The following EVL variants were observed in gnomAD, a reference collection of about 807,000 sequenced individuals.
EVL encodes ena/VASP-like protein.
Under a neutral mutation model 59.6 loss-of-function variants are expected in EVL, and 21 were observed. That is an observed-to-expected ratio of 0.35 (90% CI 0.25 to 0.51). The LOEUF (loss-of-function observed/expected upper bound fraction) is 0.51, where lower values mean the gene tolerates loss of function less well. Among genes scored for constraint, EVL ranks in the 20% least tolerant of loss-of-function variants. The pLI is 0.97. For synonymous variants in EVL, 198 were observed against 203.5 expected (o/e 0.97, Z 0.23); for missense variants, 462 against 546.6 (o/e 0.85, Z 1.54).
chr14:100,032,163 T>A (rs1566976528), intron 1 of EVL, among the ~76,000 whole-genome samples: 1 of 152,210 alleles, frequency 6.6e-6, no homozygotes, highest in Non-Finnish European at 1.5e-5. Context: ...GTGCACTCAG[T>A]GATGAAATTC....
At position 100,050,920 on chromosome 14, in the gene EVL, A is replaced by G. The variant is rs111642513; in HGVS notation, c.6-33767A>G. The stretch of plus-strand genomic sequence containing the variant: ...AGCACGCCCAGCTAATTAAAAAAAA[A>G]AAAAAATTAAGAGATGGGGGTCTTA... On this transcript the variant is annotated intron_variant, in intron 1 of 13. Transcript: ENST00000402714. Among the ~76,000 whole-genome samples, 11 of 151,028 alleles carry G rather than the reference A, an allele frequency of 7.3e-5. 1 individual carries two copies. The highest frequency in any genetic ancestry group is 2.7e-4 in the African/African-American group (11 of 41,208).
At chr14:100,079,679 T>C (rs942700479) in intron 1 of EVL, among the ~76,000 whole-genome samples, 1 of 152,152 alleles carries the variant, frequency 6.6e-6, no homozygotes, top group African/African-American at 2.4e-5. Flanking sequence ...TCCCTTACTT[T>C]ATGAATTTAC....
intron 1 of EVL, among the ~76,000 whole-genome samples, chr14:100,016,741 G>A (rs1394613085): frequency 1.3e-5 from 2 of 152,194 alleles, no homozygotes; most frequent in Admixed American, 6.5e-5. Context: ...GTAATCAAGT[G>A]GTCGAGGATT....
intron 11 of EVL, chr14:100,138,946 A>C (rs1404154486): frequency 6.6e-6 from 1 of 152,620 alleles, no homozygotes; most frequent in East Asian, 1.9e-4. Context: ...GCTCCCCCGC[A>C]CCTCCACCTG....
intron 1 of EVL, among the ~76,000 whole-genome samples, chr14:99,983,930 G>A (rs2060824329): frequency 6.6e-6 from 1 of 151,966 alleles, no homozygotes. Context: ...AAATTTCCCT[G>A]ATCTACTGAA....
intron 1 of EVL, among the ~76,000 whole-genome samples, chr14:100,028,896 A>G (rs1310280599): frequency 6.6e-6 from 1 of 152,158 alleles, no homozygotes; most frequent in East Asian, 1.9e-4. Flanking sequence ...CTAGAGTCCC[A>G]ATATCTGGCT....
In EVL at chr14:100,109,535, C is replaced by G. The variant is rs1886812031; in HGVS notation, c.358+11877C>G. On this transcript the variant is annotated intron_variant, in intron 3 of 13. Coordinates refer to ENST00000392920, the MANE Select transcript of EVL (RefSeq NM_016337.3). The surrounding 1 kb of genome is among the most constrained non-coding windows in gnomAD (Gnocchi z 4.3). ...GAGGTGTCTGGTGACTGAACAAGCT[C>G]CCAGCTTGCGCCCATGTCATATTGT... is the stretch of plus-strand genomic sequence containing the variant. 1 of 469,974 alleles carries G rather than the reference C, an allele frequency of 2.1e-6. No homozygotes were observed. Among genetic ancestry groups the G allele is most frequent in the African/African-American group, 2.0e-5 (1 of 50,106 alleles). The allele number at this position is 469,974 out of a possible 1,614,324, so 29.1% of individuals were successfully genotyped here.
chr14:100,104,389 T>C (rs1214555029), intron 3 of EVL, among the ~76,000 whole-genome samples: 2 of 152,272 alleles, frequency 1.3e-5, no homozygotes, highest in African/African-American at 4.8e-5. Flanking sequence ...TGGCTTTAGC[T>C]TCTCCTTTTC....
At position 100,065,700 on chromosome 14, in the gene EVL, G is replaced by A. The variant is rs369604961; in HGVS notation, c.11+189G>A. On this transcript the variant is annotated intron_variant, in intron 1 of 13. Coordinates refer to ENST00000392920, the MANE Select transcript of EVL (RefSeq NM_016337.3). ...GTGACAGTCTGCTCCCTCTCTAGCC[G>A]CTGGTCTTTCCATTACACAGGCCTG... Among the ~76,000 whole-genome samples, 11 of 152,272 alleles carry A rather than the reference G, an allele frequency of 7.2e-5. No homozygotes were observed. The South Asian group carries it at 8.3e-4, about 11-fold the overall frequency.
intron 1 of EVL, among the ~76,000 whole-genome samples, chr14:100,001,000 A>C (rs1380623119): frequency 6.6e-6 from 1 of 152,166 alleles, no homozygotes; most frequent in African/African-American, 2.4e-5. Flanking sequence ...TAGGAATATT[A>C]TTTTAGCAGG....
chr14:100,000,154 C>T (rs1183238854), intron 1 of EVL, among the ~76,000 whole-genome samples: 1 of 152,190 alleles, frequency 6.6e-6, no homozygotes, highest in African/African-American at 2.4e-5. Context: ...CACACACCCT[C>T]AGGAGGTCCT....
intron 1 of EVL, among the ~76,000 whole-genome samples, chr14:99,976,167 C>T (rs1345718756): frequency 6.6e-6 from 1 of 151,734 alleles, no homozygotes; most frequent in Admixed American, 6.6e-5. Context: ...AGGCACACGC[C>T]CCCATGGCCA....
At chr14:100,042,572 G>A (rs2061483226) in intron 1 of EVL, among the ~76,000 whole-genome samples, 1 of 152,202 alleles carries the variant, frequency 6.6e-6, no homozygotes. Flanking sequence ...GCCAGGGTGA[G>A]CATGCCGTGA....
intron 13 of EVL, among the ~76,000 whole-genome samples, chr14:100,143,317 G>A (rs115016487): frequency 0.015 from 2,341 of 152,058 alleles, 62 homozygotes; most frequent in African/African-American, 0.054. Flanking sequence ...AAGGGCTCCC[G>A]GGCCCCCGGC....
intron 4 of EVL, among the ~76,000 whole-genome samples, chr14:100,125,008 A>G (rs1887941844): frequency 1.3e-5 from 2 of 151,972 alleles, no homozygotes; most frequent in Non-Finnish European, 2.9e-5. Flanking sequence ...ACATGCGCAC[A>G]CACACACACC....
At chr14:100,005,664 CACACA>C (rs2060974041) in intron 1 of EVL, among the ~76,000 whole-genome samples, 3 of 151,860 alleles carry the variant, frequency 2.0e-5, no homozygotes, top group African/African-American at 7.3e-5. Context: ...CACACACACA[CACACA>C]CCCCTTGGAT....
rs183217476 is a variant in EVL at position 100,144,128 on chromosome 14, G to A, written c.*390G>A. 3.8e-4 allele frequency: 111 copies of A among 291,792 alleles called. 2 individuals carry two copies. In the East Asian group the frequency reaches 7.0e-3, roughly 19 times the overall value. 18.1% of individuals were successfully genotyped at this position (291,792 alleles called of 1,614,324 possible). A position where few individuals can be genotyped will look rare whatever the true frequency, so the allele number is the denominator to read the frequency against. Reference sequence around the variant, plus strand: ...GCCCAGCGTGGCGCCACCACACACCGCAGAGCTGTCCAGGCACAGCTCCGT... The same window carrying A: ...GCCCAGCGTGGCGCCACCACACACCACAGAGCTGTCCAGGCACAGCTCCGT... On this transcript the variant is annotated 3_prime_UTR_variant, in exon 14 of 14. Transcript: ENST00000392920.
chr14:100,029,368 G>A lies in EVL; in HGVS notation c.6-55319G>A, dbSNP rs1489018576. Among the ~76,000 whole-genome samples the A allele has an allele frequency of 2.6e-5, 4 of 152,044 alleles. No homozygotes were observed. The East Asian group carries it at 7.7e-4, about 29-fold the overall frequency. ...CATTTTGGAGGTAGGGATGTGGGAGGGCCCTTTTGATACTAGGATAACCAT... is the reference window on the plus strand; with the variant it reads ...CATTTTGGAGGTAGGGATGTGGGAGAGCCCTTTTGATACTAGGATAACCAT... On this transcript the variant is annotated intron_variant, in intron 1 of 13. Transcript: ENST00000402714.
intron 9 of EVL, among the ~76,000 whole-genome samples, chr14:100,136,501 G>C (rs1888796497): frequency 6.6e-6 from 1 of 152,178 alleles, no homozygotes; most frequent in African/African-American, 2.4e-5. Flanking sequence ...GCTTCGCAGG[G>C]GAGGAAGACC....
Sources: allele counts gnomAD v4.1 joint callset (sites outside exome capture counted in the v4.1 genomes callset), GRCh38; gene constraint gnomAD v4.1.1; non-coding constraint Gnocchi (gnomAD v3.1); transcripts MANE v1.5; gene names NCBI Gene and HGNC (gene_info 2026-07-23, HGNC 2026-07-21).